PHLPP1: variants seen among roughly 807,000 people sequenced by gnomAD.
PHLPP1 encodes the protein PH domain leucine-rich repeat-containing protein phosphatase 1.
A neutral mutation model predicts 117.2 loss-of-function variants in PHLPP1; 42 were observed. That is an observed-to-expected ratio of 0.36 (90% CI 0.28 to 0.46). The LOEUF (loss-of-function observed/expected upper bound fraction) is 0.46. PHLPP1 is among the 20% of genes least tolerant of loss of function. The pLI is 1.00. For missense variants in PHLPP1, 2,084 were observed against 2,241.9 expected (o/e 0.93, Z 1.42); for synonymous variants, 1,042 against 970.7 (o/e 1.07, Z -1.37).
At position 62,830,135 on chromosome 18, in the gene PHLPP1, A is replaced by G. The variant is rs983490065; in HGVS notation, c.1677A>G (p.Arg559=). The G allele has an allele frequency of 3.1e-6, 5 of 1,610,412 alleles. No individual in the cohort carries two copies. The highest frequency in any genetic ancestry group is 4.2e-6 in the Non-Finnish European group (5 of 1,178,236). ...KMQLPVNRWT[R]RQVILCGTCL... Reference sequence around the variant, plus strand: ...AGTTGCCAGTGAACCGATGGACAAGACGCCAAGTCATCCTATGTGGGACCT... The same window carrying G: ...AGTTGCCAGTGAACCGATGGACAAGGCGCCAAGTCATCCTATGTGGGACCT... Residue 559 remains arginine, a synonymous_variant, in exon 2 of 17, where the codon AGA becomes AGG. Coordinates refer to ENST00000262719, the MANE Select transcript of PHLPP1 (RefSeq NM_194449.4).
intron 1 of PHLPP1, among the ~76,000 whole-genome samples, chr18:62,819,436 TA>T (rs1031560677): frequency 7.9e-5 from 12 of 152,064 alleles, no homozygotes; most frequent in Non-Finnish European, 1.6e-4. Flanking sequence ...AATCAGTTAA[TA>T]CAAAACAAGG....
chr18:62,719,783 A>G (rs1002516754), intron 1 of PHLPP1, among the ~76,000 whole-genome samples: 1 of 152,154 alleles, frequency 6.6e-6, no homozygotes, highest in Non-Finnish European at 1.5e-5. Context: ...ATTTTTCTGC[A>G]TTTAAATTGA....
At chr18:62,945,776 A>C (rs1008586912) in intron 12 of PHLPP1, among the ~76,000 whole-genome samples, 2 of 152,214 alleles carry the variant, frequency 1.3e-5, no homozygotes, top group African/African-American at 4.8e-5. Flanking sequence ...ATTTCAACGG[A>C]ATGAAATTGG....
chr18:62,966,071 C>G (rs1489036219), intron 14 of PHLPP1, among the ~76,000 whole-genome samples: 2 of 152,032 alleles, frequency 1.3e-5, no homozygotes, highest in African/African-American at 4.8e-5. Flanking sequence ...TGGCTTTGCA[C>G]CTGGGTTCTA....
intron 6 of PHLPP1, 104 bp downstream of exon 6, chr18:62,896,115 G>A: frequency 1.5e-6 from 1 of 669,010 alleles, no homozygotes; most frequent in East Asian, 2.7e-5. Context: ...AATTGAATGT[G>A]GGCCCGTTTT....
At chr18:62,912,247 A>G (rs867654913) in intron 8 of PHLPP1, among the ~76,000 whole-genome samples, 118 of 150,718 alleles carry the variant, frequency 7.8e-4, no homozygotes, top group African/African-American at 2.7e-3. Context: ...GGACATGTAT[A>G]CATATGTAAC....
intron 1 of PHLPP1, among the ~76,000 whole-genome samples, chr18:62,785,940 A>G (rs1913270600): frequency 6.6e-6 from 1 of 152,228 alleles, no homozygotes; most frequent in African/African-American, 2.4e-5. Context: ...ATAGGTAGAT[A>G]CACATAGGGA....
chr18:62,823,937 G>T (rs1345573337), intron 1 of PHLPP1, among the ~76,000 whole-genome samples: 1 of 152,094 alleles, frequency 6.6e-6, no homozygotes, highest in Non-Finnish European at 1.5e-5. Flanking sequence ...TTAGAGACCA[G>T]CCTGGCCAAC....
chr18:62,950,182 T>C (rs1030843108), intron 12 of PHLPP1, among the ~76,000 whole-genome samples: 11 of 152,236 alleles, frequency 7.2e-5, no homozygotes, highest in African/African-American at 2.7e-4. Context: ...AACAGCATCT[T>C]TTTAGATGTT....
At chr18:62,825,783 G>A (rs1341813358) in intron 1 of PHLPP1, among the ~76,000 whole-genome samples, 1 of 152,036 alleles carries the variant, frequency 6.6e-6, no homozygotes, top group Non-Finnish European at 1.5e-5. Flanking sequence ...AGCAATTACA[G>A]TAGACCTATC....
chr18:62,825,096 CT>C (rs1268840758), intron 1 of PHLPP1, among the ~76,000 whole-genome samples: 21 of 151,864 alleles, frequency 1.4e-4, no homozygotes, highest in Non-Finnish European at 2.1e-4. Context: ...GTAGCTAGGA[CT>C]ATGGGCGCCT....
chr18:62,860,245 T>C (rs1302936588), intron 3 of PHLPP1, among the ~76,000 whole-genome samples, 190 bp from the exon 4 acceptor site: 1 of 152,206 alleles, frequency 6.6e-6, no homozygotes, highest in Non-Finnish European at 1.5e-5. Flanking sequence ...GGGACTGCTG[T>C]GTGTGGTACG....
intron 13 of PHLPP1, among the ~76,000 whole-genome samples, chr18:62,961,706 A>G (rs1910774526): frequency 6.6e-6 from 1 of 152,114 alleles, no homozygotes. Flanking sequence ...TGCCTCTTTT[A>G]TTTATAGAAT....
At chr18:62,859,964 G>A (rs867145533) in intron 3 of PHLPP1, among the ~76,000 whole-genome samples, 2 of 152,196 alleles carry the variant, frequency 1.3e-5, no homozygotes, top group African/African-American at 2.4e-5. Context: ...TGTATCTTGA[G>A]AAATGTGTTG....
chr18:62,809,987 T>C (rs1191045733), intron 1 of PHLPP1, among the ~76,000 whole-genome samples: 1 of 152,214 alleles, frequency 6.6e-6, no homozygotes, highest in Non-Finnish European at 1.5e-5. Flanking sequence ...ATATGTAAGA[T>C]TGTGATAGTC....
At chr18:62,790,614 C>T (rs1913428315) in intron 1 of PHLPP1, among the ~76,000 whole-genome samples, 1 of 152,074 alleles carries the variant, frequency 6.6e-6, no homozygotes, top group South Asian at 2.1e-4. Context: ...TAGCAGCTAT[C>T]AGGATTTAAA....
chr18:62,840,550 G>T (rs977843222), intron 3 of PHLPP1, among the ~76,000 whole-genome samples: 14 of 152,094 alleles, frequency 9.2e-5, no homozygotes, highest in African/African-American at 3.1e-4. Flanking sequence ...TTGTGCTTTT[G>T]TATGTATTTA....
chr18:62,717,896 TA>T (rs1271096667), intron 1 of PHLPP1, among the ~76,000 whole-genome samples: 1 of 151,392 alleles, frequency 6.6e-6, no homozygotes, highest in African/African-American at 2.4e-5. Flanking sequence ...TTGTCTTGCA[TA>T]AAAAAAAAGA....
chr18:62,877,796 T>G (rs1054545587), intron 4 of PHLPP1, among the ~76,000 whole-genome samples: 17 of 152,200 alleles, frequency 1.1e-4, no homozygotes, highest in African/African-American at 2.4e-4. Flanking sequence ...TTATATAGCC[T>G]TTGGTTCTCT....
Sources: allele counts gnomAD v4.1 joint callset (sites outside exome capture counted in the v4.1 genomes callset), GRCh38; gene constraint gnomAD v4.1.1; transcripts MANE v1.5; gene names NCBI Gene and HGNC (gene_info 2026-07-23, HGNC 2026-07-21).